LINGO2: variants seen among roughly 807,000 people sequenced by gnomAD.
The protein encoded by LINGO2 is leucine rich repeat and Ig domain containing 2.
A neutral mutation model predicts 30.6 loss-of-function variants in LINGO2; 14 were observed. That is an observed-to-expected ratio of 0.46 (90% CI 0.30 to 0.72). LINGO2 has a LOEUF of 0.72. Among genes scored for constraint, LINGO2 ranks in the 30% least tolerant of loss-of-function variants. The pLI is 0.07. For synonymous variants in LINGO2, 317 were observed against 288.5 expected, an observed-to-expected ratio of 1.10 and a Z score of -1.00; for missense variants, 729 against 751.7, an observed-to-expected ratio of 0.97 and a Z score of 0.35.
intron 4 of LINGO2, among the ~76,000 whole-genome samples, chr9:28,216,958 C>T (rs1432214604): frequency 2.0e-5 from 3 of 151,696 alleles, no homozygotes; most frequent in African/African-American, 4.8e-5. Context: ...ACATCCTTCA[C>T]ATTATATAAA....
chr9:28,418,737 G>C (rs572230695), intron 2 of LINGO2, among the ~76,000 whole-genome samples: 9 of 152,074 alleles, frequency 5.9e-5, no homozygotes, highest in South Asian at 4.1e-4. Context: ...ATCAGAGGCT[G>C]CAGCCTCTTG....
chr9:29,012,456 A>G, the LINGO2 span, among the ~76,000 whole-genome samples: 7 of 152,192 alleles, frequency 4.6e-5, no homozygotes, highest in Admixed American at 1.3e-4. Flanking sequence ...CAAATTTTCA[A>G]CATAGATAGA....
At chr9:28,543,547 T>C (rs1221572538) in intron 1 of LINGO2, among the ~76,000 whole-genome samples, 1 of 152,046 alleles carries the variant, frequency 6.6e-6, no homozygotes, top group Admixed American at 6.5e-5. Flanking sequence ...CTCAGAATTT[T>C]TATGAATTTT....
the LINGO2 span, among the ~76,000 whole-genome samples, chr9:29,166,710 A>C: frequency 2.6e-4 from 40 of 152,274 alleles, no homozygotes; most frequent in African/African-American, 8.9e-4. Context: ...AATGTTTTAT[A>C]AACTCCTTAC....
intron 1 of LINGO2, among the ~76,000 whole-genome samples, chr9:28,508,611 C>G (rs574464618): frequency 1.3e-5 from 2 of 152,078 alleles, no homozygotes; most frequent in South Asian, 4.1e-4. Flanking sequence ...TTGTTAACCC[C>G]CCAATTTTGT....
chr9:29,016,972 C>T, the LINGO2 span, among the ~76,000 whole-genome samples: 2 of 152,074 alleles, frequency 1.3e-5, no homozygotes, highest in African/African-American at 4.8e-5. Context: ...AGATTGACAC[C>T]GCACTTCACT....
At chr9:28,733,094 G>T in the LINGO2 span, among the ~76,000 whole-genome samples, 2 of 152,100 alleles carry the variant, frequency 1.3e-5, no homozygotes, top group African/African-American at 4.8e-5. Flanking sequence ...AGAGTATATT[G>T]CTTAAAACAG....
At chr9:28,028,263 A>T (rs1227582101) in intron 4 of LINGO2, among the ~76,000 whole-genome samples, 1 of 152,166 alleles carries the variant, frequency 6.6e-6, no homozygotes, top group African/African-American at 2.4e-5. Context: ...GACTTTTAAC[A>T]TAGCTTTTCC....
the LINGO2 span, among the ~76,000 whole-genome samples, chr9:29,158,741 T>C: frequency 6.6e-6 from 1 of 152,106 alleles, no homozygotes; most frequent in Non-Finnish European, 1.5e-5. Context: ...TGTGCAAGTG[T>C]GTGTTTGTGT....
intron 4 of LINGO2, among the ~76,000 whole-genome samples, chr9:28,230,075 G>C (rs1401584869): frequency 6.6e-6 from 1 of 151,670 alleles, no homozygotes; most frequent in African/African-American, 2.4e-5. Context: ...TTAGATGTGA[G>C]AAAAATTAAA....
the LINGO2 span, among the ~76,000 whole-genome samples, chr9:28,938,388 A>T: frequency 6.6e-6 from 1 of 152,116 alleles, no homozygotes. Context: ...TTTGCTTAAC[A>T]CTTCTTTCTT....
intron 4 of LINGO2, among the ~76,000 whole-genome samples, chr9:28,030,224 C>T (rs1484720172): frequency 6.6e-6 from 1 of 152,182 alleles, no homozygotes; most frequent in African/African-American, 2.4e-5. Flanking sequence ...TCATGTTCAA[C>T]ACTAACTTGG....
At chr9:28,882,662 T>C in the LINGO2 span, among the ~76,000 whole-genome samples, 6 of 152,148 alleles carry the variant, frequency 3.9e-5, no homozygotes, top group Non-Finnish European at 7.4e-5. Flanking sequence ...CATGATTATC[T>C]CTACAGTCTT....
chr9:28,946,563 C>G, the LINGO2 span, among the ~76,000 whole-genome samples: 2 of 152,122 alleles, frequency 1.3e-5, no homozygotes, highest in Non-Finnish European at 2.9e-5. Flanking sequence ...GAGAGTCTAG[C>G]CTAATATCTT....
chr9:28,470,013 A>G (rs898111734), intron 2 of LINGO2, among the ~76,000 whole-genome samples: 2 of 152,198 alleles, frequency 1.3e-5, no homozygotes, highest in Admixed American at 6.5e-5. Flanking sequence ...AATTCTAAGT[A>G]TACATAAAGG....
intron 4 of LINGO2, among the ~76,000 whole-genome samples, chr9:28,163,321 T>C (rs1828338915): frequency 6.6e-6 from 1 of 152,058 alleles, no homozygotes; most frequent in African/African-American, 2.4e-5. Context: ...GAGGCAGACG[T>C]TGAGTGTGTG....
the LINGO2 span, among the ~76,000 whole-genome samples, chr9:28,805,551 G>A: frequency 2.0e-5 from 3 of 152,120 alleles, no homozygotes; most frequent in Admixed American, 6.5e-5. Context: ...TGCAACATCC[G>A]TTTATATTAA....
rs114141021 is a variant in LINGO2 at position 28,544,128 on chromosome 9, G to A, written c.-364-68103C>T. 9.5e-3 allele frequency among the ~76,000 whole-genome samples: 1,443 copies of A among 151,928 alleles called. 24 individuals carry two copies. Among genetic ancestry groups the A allele is most frequent in the African/African-American group, 0.031 (1,266 of 41,474 alleles). Reference sequence around the variant, plus strand: ...TGAGGCACAAGTATCATTTGAACCCGGAAGGCAGAGGTTGCAGTGAACCAA... The same window carrying A: ...TGAGGCACAAGTATCATTTGAACCCAGAAGGCAGAGGTTGCAGTGAACCAA... On this transcript the variant is annotated intron_variant, in intron 1 of 5. Transcript: ENST00000379992.
chr9:28,792,307 A>C, the LINGO2 span, among the ~76,000 whole-genome samples: 2 of 151,990 alleles, frequency 1.3e-5, no homozygotes, highest in Non-Finnish European at 2.9e-5. Flanking sequence ...GACACTGATT[A>C]TTTTTATTTG....
Sources: allele counts gnomAD v4.1 joint callset (sites outside exome capture counted in the v4.1 genomes callset), GRCh38; gene constraint gnomAD v4.1.1; transcripts MANE v1.5; gene names NCBI Gene and HGNC (gene_info 2026-07-23, HGNC 2026-07-21).